EIF4ENIF1: variants seen among roughly 807,000 people sequenced by gnomAD.
EIF4ENIF1 encodes the protein eukaryotic translation initiation factor 4E nuclear import factor 1.
A neutral mutation model predicts 110.5 loss-of-function variants in EIF4ENIF1; 23 were observed. That is an observed-to-expected ratio of 0.21 (90% CI 0.15 to 0.29). The LOEUF (loss-of-function observed/expected upper bound fraction) is 0.29. Ranked by LOEUF, EIF4ENIF1 falls within the 10% of genes least tolerant of loss-of-function variation. EIF4ENIF1 has a pLI of 1.00. For synonymous variants in EIF4ENIF1, 440 were observed against 437.0 expected (o/e 1.01, Z -0.09); for missense variants, 1,031 against 1,221.1 (o/e 0.84, Z 2.32).
At chr22:31,462,344 G>A (rs1448485997) in intron 6 of EIF4ENIF1, among the ~76,000 whole-genome samples, 4 of 151,886 alleles carry the variant, frequency 2.6e-5, no homozygotes, top group East Asian at 3.9e-4. Flanking sequence ...TTACCCAGGC[G>A]TCATGGCAGG....
At chr22:31,447,078 A>G (rs1275819917) in intron 14 of EIF4ENIF1, 13 of 430,770 alleles carry the variant, frequency 3.0e-5, no homozygotes, top group Non-Finnish European at 6.0e-5. Flanking sequence ...TGGTAGAAAC[A>G]TCCTAAGATT....
At chr22:31,450,992 C>T (rs567351506) in intron 10 of EIF4ENIF1, 1 of 153,184 alleles carries the variant, frequency 6.5e-6, no homozygotes, top group Non-Finnish European at 1.5e-5. Flanking sequence ...GCGATCCTCT[C>T]ATCTCAGCCT....
At chr22:31,447,151 A>G (rs2050503164) in intron 14 of EIF4ENIF1, 3 of 414,032 alleles carry the variant, frequency 7.2e-6, no homozygotes, top group South Asian at 7.1e-5. Context: ...TCCCTTCCAT[A>G]TGGCTAATTA....
chr22:31,456,381 G>A (rs555460626), intron 7 of EIF4ENIF1, among the ~76,000 whole-genome samples: 45 of 151,124 alleles, frequency 3.0e-4, no homozygotes, highest in East Asian at 1.9e-3. Context: ...CTGCCACCAC[G>A]CCCGGCTAAT....
In EIF4ENIF1 at chr22:31,443,014, A is replaced by G. The variant is rs2050352357; in HGVS notation, c.2154T>C (p.Ser718=). Residue 718 remains serine (S), a synonymous_variant, in exon 16 of 19, where the codon TCT becomes TCC. Coordinates refer to ENST00000330125, the MANE Select transcript of EIF4ENIF1 (RefSeq NM_019843.4). ...SKEKSKEEPA[S]GKAALGDSKE... is the part of the protein sequence containing the mutation. ...TACTGTCACCAAGAGCTGCTTTTCC[A>G]GATGCTGGCTCCTCCTTGCTTTTCT... The G allele has an allele frequency of 1.9e-6, 3 of 1,614,020 alleles. No individual in the cohort carries two copies. Among genetic ancestry groups the G allele is most frequent in the Non-Finnish European group, 2.5e-6 (3 of 1,180,018 alleles).
upstream of EIF4ENIF1, among the ~76,000 whole-genome samples, chr22:31,490,787 C>G (rs147162554): frequency 6.6e-6 from 1 of 152,138 alleles, no homozygotes; most frequent in Non-Finnish European, 1.5e-5. Context: ...TGTGGTACTG[C>G]GCAGCGTTGG....
At chr22:31,474,487 CTTTTTTT>C (rs531859600) in intron 2 of EIF4ENIF1, among the ~76,000 whole-genome samples, 1 of 138,152 alleles carries the variant, frequency 7.2e-6, no homozygotes, top group Non-Finnish European at 1.6e-5. Flanking sequence ...AACATGCCAT[CTTTTTTT>C]TTTTTTTTTC....
chr22:31,457,017 CTT>C lies in EIF4ENIF1; in HGVS notation c.964-1032_964-1031del, dbSNP rs1230821553. 2.0e-5 allele frequency among the ~76,000 whole-genome samples: 3 copies of C among 152,278 alleles called. No homozygotes were observed. In the East Asian group the frequency reaches 5.8e-4, roughly 29 times the overall value. On this transcript the variant is annotated intron_variant, in intron 7 of 18. Transcript: ENST00000330125. ...GATGAAAGAAAACCATTGCTTCAAA[CTT>C]AGTGGTTTCAAGGTTGTAATGAACA...
intron 2 of EIF4ENIF1, among the ~76,000 whole-genome samples, chr22:31,483,508 G>A (rs932349449): frequency 6.6e-6 from 1 of 151,940 alleles, no homozygotes; most frequent in Admixed American, 6.6e-5. Context: ...CAGCGAGCAG[G>A]TGATCATTTC....
intron 4 of EIF4ENIF1, among the ~76,000 whole-genome samples, chr22:31,467,454 T>C (rs1020634916): frequency 4.6e-5 from 7 of 152,226 alleles, no homozygotes; most frequent in African/African-American, 2.4e-5. Flanking sequence ...CTAGGAAAGT[T>C]GGAAGATCAG....
intron 6 of EIF4ENIF1, among the ~76,000 whole-genome samples, chr22:31,462,511 G>A (rs1414581993): frequency 6.6e-6 from 1 of 151,742 alleles, no homozygotes; most frequent in Non-Finnish European, 1.5e-5. Flanking sequence ...TTCAAAATCA[G>A]GATGCATCAT....
At position 31,457,296 on chromosome 22, in the gene EIF4ENIF1, A is replaced by T. The variant is rs1275193374; in HGVS notation, c.963+1179T>A. On this transcript the variant is annotated intron_variant, in intron 7 of 18. Transcript: ENST00000330125. ...ATGAACAATAAATTGCTTTGGTAGA[A>T]ATTATGAAATAGTGCCAATCTTTCT... 4.6e-5 allele frequency among the ~76,000 whole-genome samples: 7 copies of T among 152,358 alleles called. No individual in the cohort carries two copies. The East Asian group carries it at 1.3e-3, about 29-fold the overall frequency.
intron 15 of EIF4ENIF1, 168 bp from the exon 16 acceptor site, chr22:31,443,262 A>C: frequency 1.1e-6 from 1 of 887,290 alleles, no homozygotes; most frequent in Non-Finnish European, 1.7e-6. Context: ...AATGGGGCAA[A>C]TAGGCAGTGT....
intron 4 of EIF4ENIF1, among the ~76,000 whole-genome samples, chr22:31,466,749 T>A (rs1345569531): frequency 3.3e-5 from 5 of 152,084 alleles, no homozygotes; most frequent in Non-Finnish European, 7.4e-5. Flanking sequence ...TATATACACA[T>A]GTCAAGACAT....
chr22:31,445,597 C>T (rs1290877421), intron 14 of EIF4ENIF1, among the ~76,000 whole-genome samples: 1 of 152,090 alleles, frequency 6.6e-6, no homozygotes, highest in African/African-American at 2.4e-5. Flanking sequence ...TATTTGAGCA[C>T]CTGCTACAGA....
chr22:31,450,332 G>A lies in EIF4ENIF1; in HGVS notation c.1541C>T (p.Pro514Leu). ...SRNLESHLMSPAEIPGQPVPK... is the reference protein window; with the variant it reads ...SRNLESHLMSLAEIPGQPVPK... The stretch of plus-strand genomic sequence containing the variant: ...GACAGGCTGGCCTGGAATCTCAGCA[G>A]GGGACATCAAATGGCTTTCAAGGTT... Residue 514 changes from proline to leucine, a missense_variant, in exon 11 of 19, where the codon CCT becomes CTT. Around this residue, in one of 3 missense-constraint regions of EIF4ENIF1, gnomAD observed 704 missense variants for 879.7 expected, o/e 0.80. Coordinates refer to ENST00000330125, the MANE Select transcript of EIF4ENIF1 (RefSeq NM_019843.4). 6.2e-7 allele frequency: 1 copy of A among 1,613,552 alleles called. No individual in the cohort carries two copies. The highest frequency in any genetic ancestry group is 8.5e-7 in the Non-Finnish European group (1 of 1,179,602).
rs571104761 is a variant in EIF4ENIF1, at chr22:31,440,622, C to T, written c.2716+82G>A. On this transcript the variant is annotated intron_variant, in intron 18 of 18. Coordinates refer to ENST00000330125, the MANE Select transcript of EIF4ENIF1 (RefSeq NM_019843.4). ...AAGTTAAAGAATGAAAGTGTTAATT[C>T]ATCTCCACTGGAAACTAGTCCTCAA... 15 of 1,468,708 alleles carry T rather than the reference C, an allele frequency of 1.0e-5. No homozygotes were observed. The African/African-American group carries it at 2.1e-4, about 21-fold the overall frequency. The allele number at this position is 1,468,708 out of a possible 1,614,324, so 91.0% of individuals were successfully genotyped here. A position where few individuals can be genotyped will look rare whatever the true frequency, so the allele number is the denominator to read the frequency against.
intron 2 of EIF4ENIF1, among the ~76,000 whole-genome samples, chr22:31,483,680 G>T (rs983694496): frequency 2.6e-5 from 4 of 152,042 alleles, no homozygotes; most frequent in African/African-American, 9.7e-5. Context: ...GCTAATGCTA[G>T]TTCAGGGAGC....
chr22:31,456,465 C>T lies in EIF4ENIF1; in HGVS notation c.964-478G>A, dbSNP rs372764441. ...GTCTCGATCTCCTGACCTTGTGATC[C>T]GCCCGCCTTGGCCTCCCAAAGTGCT... On this transcript the variant is annotated intron_variant, in intron 7 of 18. Transcript: ENST00000330125. Among the ~76,000 whole-genome samples, 787 of 151,906 alleles carry T rather than the reference C, an allele frequency of 5.2e-3. 6 individuals carry two copies. The highest frequency in any genetic ancestry group is 0.017 in the African/African-American group (717 of 41,402).
Sources: gnomAD v4.1 joint callset for allele counts (sites outside exome capture counted in the v4.1 genomes callset) on GRCh38, gnomAD v4.1.1 for gene constraint, gnomAD v4.1.1 regional missense constraint, MANE v1.5 for transcripts, NCBI Gene and HGNC (gene_info 2026-07-23, HGNC 2026-07-21) for gene names.